NDST4: variants seen among roughly 807,000 people sequenced by gnomAD.
NDST4 encodes the protein N-deacetylase and N-sulfotransferase 4, also known as N-heparan sulfate sulfotransferase 4.
NDST4 carries 63 observed loss-of-function variants against 100.8 expected under a neutral mutation model. The ratio of observed to expected loss-of-function variants is 0.62; its 90% CI spans 0.51 to 0.77. NDST4 has a LOEUF of 0.77. Among genes scored for constraint, NDST4 ranks in the 30% least tolerant of loss-of-function variants. NDST4 has a pLI of 0.00. For missense variants in NDST4, 943 were observed against 1,018.4 expected, an observed-to-expected ratio of 0.93 and a Z score of 1.01; for synonymous variants, 377 against 361.8, an observed-to-expected ratio of 1.04 and a Z score of -0.48.
rs1037367490 is a variant in NDST4 at position 114,916,566 on chromosome 4, G to A, written c.1536+18640C>T. Among the ~76,000 whole-genome samples the A allele has an allele frequency of 2.0e-5, 3 of 149,380 alleles. No individual in the cohort carries two copies. The East Asian group carries it at 5.8e-4, about 29-fold the overall frequency. On this transcript the variant is annotated intron_variant, in intron 6 of 13. Transcript: ENST00000264363. ...TGTGTGTGTGTGTGTGTGTGTGTGT[G>A]TGTGTGTGTGTGTGTGTTTGTGTGT... is the stretch of plus-strand genomic sequence containing the variant.
intron 2 of NDST4, among the ~76,000 whole-genome samples, chr4:115,023,952 C>G (rs978169162): frequency 6.8e-6 from 1 of 147,346 alleles, no homozygotes; most frequent in African/African-American, 2.7e-5. Flanking sequence ...TGCTTCTTGA[C>G]CAGCCTAGCC....
intron 2 of NDST4, among the ~76,000 whole-genome samples, chr4:114,990,304 A>T (rs1272842325): frequency 3.9e-5 from 6 of 152,096 alleles, no homozygotes; most frequent in Non-Finnish European, 8.8e-5. Context: ...TGAATTATTA[A>T]AATAAAACTC....
chr4:114,853,842 CAT>C (rs1303827605), intron 7 of NDST4, among the ~76,000 whole-genome samples: 11 of 151,886 alleles, frequency 7.2e-5, no homozygotes, highest in Admixed American at 1.3e-4. Flanking sequence ...TTTATGGCTA[CAT>C]AGTGGGTATA....
chr4:114,841,845 GT>G (rs1221086578), intron 10 of NDST4, among the ~76,000 whole-genome samples: 1 of 151,438 alleles, frequency 6.6e-6, no homozygotes, highest in Non-Finnish European at 1.5e-5. Context: ...CAATCTAAGT[GT>G]TTTTTTTGGA....
chr4:115,013,344 A>C (rs1420449847), intron 2 of NDST4, among the ~76,000 whole-genome samples: 2 of 10,786 alleles, frequency 1.9e-4, no homozygotes, highest in Non-Finnish European at 5.3e-4. Context: ...AAATATAAAT[A>C]CCATATATAT....
intron 5 of NDST4, among the ~76,000 whole-genome samples, chr4:114,935,687 A>G (rs1293468017): frequency 6.6e-6 from 1 of 152,192 alleles, no homozygotes; most frequent in East Asian, 1.9e-4. Flanking sequence ...CCATTAGGCC[A>G]TTACTCTCTT....
At chr4:114,903,873 A>G (rs115230957) in intron 6 of NDST4, among the ~76,000 whole-genome samples, 1,772 of 152,130 alleles carry the variant, frequency 0.012, 40 homozygotes, top group African/African-American at 0.041. Flanking sequence ...TAATCTCTAG[A>G]TTTTTGACAT....
chr4:114,853,117 T>C (rs1446868419), intron 7 of NDST4, among the ~76,000 whole-genome samples: 1 of 152,190 alleles, frequency 6.6e-6, no homozygotes, highest in Non-Finnish European at 1.5e-5. Context: ...TATGTCTATA[T>C]ATCAGAGGAC....
At chr4:114,962,175 C>G (rs1726278086) in intron 4 of NDST4, among the ~76,000 whole-genome samples, 1 of 152,072 alleles carries the variant, frequency 6.6e-6, no homozygotes, top group African/African-American at 2.4e-5. Flanking sequence ...TAATAGGTAT[C>G]TATGAAAAAT....
chr4:114,905,955 C>T (rs1175460787), intron 6 of NDST4, among the ~76,000 whole-genome samples: 4 of 151,954 alleles, frequency 2.6e-5, no homozygotes, highest in Admixed American at 1.3e-4. Flanking sequence ...CATCAGCTGA[C>T]TCACTTGAGG....
chr4:115,058,559 T>C (rs1323264005), intron 2 of NDST4, among the ~76,000 whole-genome samples: 21 of 152,176 alleles, frequency 1.4e-4, no homozygotes, highest in Admixed American at 1.4e-3. Context: ...CTGTTTGTAC[T>C]GAATTTTTAG....
chr4:114,950,597 A>C (rs1259279485), intron 4 of NDST4, among the ~76,000 whole-genome samples: 2 of 152,090 alleles, frequency 1.3e-5, no homozygotes, highest in East Asian at 3.9e-4. Context: ...CTGCAGGCTA[A>C]ATCCCACAGG....
rs186371074 is a variant in NDST4 at position 114,941,778 on chromosome 4, G to A, written c.1222-4275C>T. Among the ~76,000 whole-genome samples the A allele has an allele frequency of 4.3e-3, 660 of 152,228 alleles. 7 individuals are homozygous for A. The highest frequency in any genetic ancestry group is 0.027 in the Middle Eastern group (8 of 292). ...CTGAGAGTCCCTGCAGGAGTACAGCGTACAATCTGCTCCATGAGTCCTTCC... is the reference window on the plus strand; with the variant it reads ...CTGAGAGTCCCTGCAGGAGTACAGCATACAATCTGCTCCATGAGTCCTTCC... On this transcript the variant is annotated intron_variant, in intron 4 of 13. Transcript: ENST00000264363.
chr4:115,021,496 CACACGTTCCACATAT>C (rs1353409756), intron 2 of NDST4, among the ~76,000 whole-genome samples: 14 of 140,900 alleles, frequency 9.9e-5, no homozygotes, highest in African/African-American at 3.4e-4. Flanking sequence ...TCCATATATA[CACACGTTCCACATAT>C]ACACATTCCA....
intron 2 of NDST4, among the ~76,000 whole-genome samples, chr4:115,047,555 T>C (rs1273484923): frequency 3.3e-5 from 5 of 152,158 alleles, no homozygotes; most frequent in African/African-American, 9.6e-5. Context: ...TCCGATAGCT[T>C]TGTTTGTAAT....
At chr4:114,877,813 T>A in intron 6 of NDST4, among the ~76,000 whole-genome samples, 1 of 151,904 alleles carries the variant, frequency 6.6e-6, no homozygotes, top group East Asian at 1.9e-4. Flanking sequence ...CCGGGCCTGG[T>A]GACTAGCTCC....
rs537317704 is a variant in NDST4 at position 114,924,234 on chromosome 4, T to C, written c.1536+10972A>G. Among the ~76,000 whole-genome samples, 3 of 152,178 alleles carry C rather than the reference T, an allele frequency of 2.0e-5. No homozygotes were observed. The South Asian group carries it at 6.2e-4, about 32-fold the overall frequency. On this transcript the variant is annotated intron_variant, in intron 6 of 13. Coordinates refer to ENST00000264363, the MANE Select transcript of NDST4 (RefSeq NM_022569.3). ...AAATCTAGGGAAAAAGCACAAAATT[T>C]ACTCACATTCTCTACATCCTTATGC...
chr4:114,981,193 G>A (rs562043341), intron 2 of NDST4, among the ~76,000 whole-genome samples: 11 of 150,850 alleles, frequency 7.3e-5, no homozygotes, highest in East Asian at 1.9e-4. Flanking sequence ...CTGACAAAGC[G>A]AAAGAAAGAG....
At chr4:115,042,082 C>T (rs1023368923) in intron 2 of NDST4, among the ~76,000 whole-genome samples, 17 of 152,038 alleles carry the variant, frequency 1.1e-4, no homozygotes, top group Admixed American at 9.2e-4. Flanking sequence ...TTTTCACTTA[C>T]CTGATTCCAA....
Sources: allele counts gnomAD v4.1 joint callset (sites outside exome capture counted in the v4.1 genomes callset), GRCh38; gene constraint gnomAD v4.1.1; transcripts MANE v1.5; gene names NCBI Gene and HGNC (gene_info 2026-07-23, HGNC 2026-07-21).